The following CELF4 variants were observed in gnomAD, a reference collection of about 807,000 sequenced individuals.
CELF4 encodes CUG-BP- and ETR-3-like factor 4.
In CELF4, 18 loss-of-function variants were observed where a neutral mutation model predicts 59.9. The observed-to-expected ratio is 0.30, with a 90% CI of 0.21 to 0.45. The LOEUF is 0.45. Ranked by LOEUF, CELF4 falls within the 20% of genes least tolerant of loss-of-function variation. CELF4 has a pLI of 1.00. For missense variants in CELF4, 456 were observed against 689.0 expected (o/e 0.66, Z 3.79); for synonymous variants, 261 against 267.1 (o/e 0.98, Z 0.22).
chr18:37,479,812 T>C (rs780313067), intron 2 of CELF4, among the ~76,000 whole-genome samples: 1 of 152,148 alleles, frequency 6.6e-6, no homozygotes, highest in Admixed American at 6.5e-5. Flanking sequence ...TTCTTTGAAA[T>C]AGGGTCTTTG....
chr18:37,313,850 C>G (rs145432440), intron 3 of CELF4, among the ~76,000 whole-genome samples: 2 of 152,356 alleles, frequency 1.3e-5, no homozygotes, highest in Non-Finnish European at 2.9e-5. Flanking sequence ...CAGGGAGGGC[C>G]TGGGAGCCCA....
chr18:37,384,087 G>T (rs1569568315), intron 2 of CELF4, among the ~76,000 whole-genome samples: 1 of 152,114 alleles, frequency 6.6e-6, no homozygotes, highest in South Asian at 2.1e-4. Flanking sequence ...GGGCAGAGAC[G>T]CTCAATGCGG....
In CELF4 at chr18:37,259,006, C is replaced by A; in HGVS notation, c.1333+175G>T. ...GATGAGGCTGGTGAGGGCCATGGAG[C>A]AGCTGGGGCGGGGGCAATGTGAAGG... On this transcript the variant is annotated intron_variant, in intron 11 of 12. Transcript: ENST00000420428. 5.6e-6 allele frequency: 5 copies of A among 898,284 alleles called. No individual in the cohort carries two copies. In the South Asian group the frequency reaches 6.6e-5, roughly 12 times the overall value. The allele number at this position is 898,284 out of a possible 1,614,324, so 55.6% of individuals were successfully genotyped here. A position where few individuals can be genotyped will look rare whatever the true frequency, so the allele number is the denominator to read the frequency against.
chr18:37,267,733 C>T (rs1406193177), intron 8 of CELF4, among the ~76,000 whole-genome samples: 2 of 152,138 alleles, frequency 1.3e-5, no homozygotes, highest in Non-Finnish European at 2.9e-5. Flanking sequence ...CACTAAACCT[C>T]CACTAGAAAA....
In CELF4 at chr18:37,281,150, G is replaced by A. The variant is rs994187998; in HGVS notation, c.449-5907C>T. ...CTCAGGATTAGCACAAACCCCTAAC[G>A]GGGATGTTTCAGGGCTGTGCCTTCT... is the stretch of plus-strand genomic sequence containing the variant. On this transcript the variant is annotated intron_variant, in intron 3 of 12. Transcript: ENST00000420428. Among the ~76,000 whole-genome samples the A allele has an allele frequency of 5.3e-5, 8 of 152,240 alleles. No individual in the cohort carries two copies. The East Asian group carries it at 7.7e-4, about 15-fold the overall frequency.
At chr18:37,453,458 C>G (rs1478359899) in intron 2 of CELF4, among the ~76,000 whole-genome samples, 1 of 152,224 alleles carries the variant, frequency 6.6e-6, no homozygotes, top group Non-Finnish European at 1.5e-5. Flanking sequence ...GTGTGACACT[C>G]TTGGGGGAAC....
In CELF4 at chr18:37,243,049, A is replaced by G. The variant is rs2060780931; in HGVS notation, c.*2193T>C. ...GACCAATGAAGAAATATTTTTTTAA[A>G]CTGTGCTTTATTTAGGGCTAAGCTG... On this transcript the variant is annotated 3_prime_UTR_variant, in exon 13 of 13. Transcript: ENST00000420428. 6.6e-6 allele frequency: 1 copy of G among 152,146 alleles called. No individual in the cohort carries two copies. 9.4% of individuals were successfully genotyped at this position (152,146 alleles called of 1,614,324 possible). A position where few individuals can be genotyped will look rare whatever the true frequency, so the allele number is the denominator to read the frequency against.
chr18:37,544,015 T>G (rs1308026729), intron 1 of CELF4, among the ~76,000 whole-genome samples: 2 of 150,742 alleles, frequency 1.3e-5, no homozygotes, highest in East Asian at 2.0e-4. Context: ...GAAGCAGGAG[T>G]GAAGAGGGTA....
chr18:37,543,061 C>G (rs1181452388), intron 1 of CELF4, among the ~76,000 whole-genome samples: 1 of 152,166 alleles, frequency 6.6e-6, no homozygotes, highest in Non-Finnish European at 1.5e-5. Flanking sequence ...ACTGTGGTCT[C>G]TGAGCAACCC....
At chr18:37,399,180 A>G (rs1026208788) in intron 2 of CELF4, among the ~76,000 whole-genome samples, 9 of 152,194 alleles carry the variant, frequency 5.9e-5, no homozygotes, top group African/African-American at 1.9e-4. Context: ...CTCATACTGA[A>G]AATTTAATTG....
intron 1 of CELF4, among the ~76,000 whole-genome samples, chr18:37,511,860 C>A (rs970067786): frequency 5.3e-5 from 8 of 152,044 alleles, no homozygotes; most frequent in African/African-American, 1.7e-4. Context: ...CCATGCTTAC[C>A]CCAAGCAGGG....
chr18:37,533,144 T>C (rs4799941), intron 1 of CELF4, among the ~76,000 whole-genome samples: 148,499 of 152,376 alleles, frequency 0.97, 72,468 homozygotes, highest in East Asian at 1. Flanking sequence ...GCCAGGCACG[T>C]GGCTGCGGGT....
intron 2 of CELF4, among the ~76,000 whole-genome samples, chr18:37,339,608 A>G (rs2097914738): frequency 6.6e-6 from 1 of 151,886 alleles, no homozygotes; most frequent in Non-Finnish European, 1.5e-5. Flanking sequence ...ACAAAACATA[A>G]CCAGGTGTGA....
At chr18:37,340,586 C>T (rs1263961590) in intron 2 of CELF4, among the ~76,000 whole-genome samples, 1 of 152,228 alleles carries the variant, frequency 6.6e-6, no homozygotes, top group Non-Finnish European at 1.5e-5. Context: ...TCTCGTCTCC[C>T]AGTCCCACAG....
intron 1 of CELF4, among the ~76,000 whole-genome samples, chr18:37,521,970 C>T (rs962767901): frequency 3.9e-5 from 6 of 152,188 alleles, no homozygotes; most frequent in African/African-American, 1.2e-4. Context: ...CGGGTTATAG[C>T]GGGTTACCGT....
rs1204526993 is a variant in CELF4 at position 37,369,259 on chromosome 18, C to CA, written c.370-47379dup. ...CTGCAGTGTATGGTGGGGGGGTGGG[C>CA]AGCGGGAGGCTGGGCTCTCTCTCAG... is the stretch of plus-strand genomic sequence containing the variant. On this transcript the variant is annotated intron_variant, in intron 2 of 12. Transcript: ENST00000420428. Among the ~76,000 whole-genome samples the CA allele has an allele frequency of 3.9e-5, 6 of 152,250 alleles. No individual in the cohort carries two copies. The South Asian group carries it at 1.2e-3, about 32-fold the overall frequency.
chr18:37,525,888 T>C (rs1026656826), intron 1 of CELF4, among the ~76,000 whole-genome samples: 1 of 152,198 alleles, frequency 6.6e-6, no homozygotes, highest in Admixed American at 6.5e-5. Flanking sequence ...CCGCGACCTG[T>C]AGGAGGACTC....
At chr18:37,262,147 C>T (rs2075000243) in intron 10 of CELF4, among the ~76,000 whole-genome samples, 1 of 152,224 alleles carries the variant, frequency 6.6e-6, no homozygotes, top group Non-Finnish European at 1.5e-5. Context: ...CTCTGCTCAT[C>T]CTTCCAGACC....
chr18:37,411,118 G>A (rs1039181087), intron 2 of CELF4, among the ~76,000 whole-genome samples: 33 of 151,726 alleles, frequency 2.2e-4, no homozygotes, highest in Admixed American at 6.6e-4. Context: ...CACCATGCCC[G>A]GGTAATTTTT....
Sources: allele counts gnomAD v4.1 joint callset (sites outside exome capture counted in the v4.1 genomes callset), GRCh38; gene constraint gnomAD v4.1.1; transcripts MANE v1.5; gene names NCBI Gene and HGNC (gene_info 2026-07-23, HGNC 2026-07-21).